Variants in PTPRN2 observed in about 807,000 individuals in gnomAD.
The protein encoded by PTPRN2 is protein tyrosine phosphatase receptor type N2.
PTPRN2 carries 74 observed loss-of-function variants against 118.8 expected under a neutral mutation model. The ratio of observed to expected loss-of-function variants is 0.62; its 90% CI spans 0.52 to 0.76. The LOEUF (loss-of-function observed/expected upper bound fraction) is 0.76, where lower values mean the gene tolerates loss of function less well. Ranked by LOEUF, PTPRN2 falls within the 30% of genes least tolerant of loss-of-function variation. The pLI is 0.00. For missense variants in PTPRN2, 1,481 were observed against 1,394.4 expected, an observed-to-expected ratio of 1.06 and a Z score of -0.99; for synonymous variants, 641 against 608.0, an observed-to-expected ratio of 1.05 and a Z score of -0.80.
In PTPRN2 at chr7:158,018,822, G is replaced by A. The variant is rs148021819; in HGVS notation, c.1723+62476C>T. ...CTAAAAATACAAAAATTAGCTGGGCGTCGTGGTAGGTGCCTGTAATCCCAG... is the reference window on the plus strand; with the variant it reads ...CTAAAAATACAAAAATTAGCTGGGCATCGTGGTAGGTGCCTGTAATCCCAG... On this transcript the variant is annotated intron_variant, in intron 11 of 22. Transcript: ENST00000389418. Among the ~76,000 whole-genome samples, 234 of 151,806 alleles carry A rather than the reference G, an allele frequency of 1.5e-3. 3 individuals are homozygous for A. Among genetic ancestry groups the A allele is most frequent in the African/African-American group, 5.0e-3 (209 of 41,398 alleles).
chr7:157,851,371 A>T lies in PTPRN2; in HGVS notation c.1788+47302T>A, dbSNP rs116769465. ...TCATACAAATATGGCTCATGAATAAAAATGCGCTTTCTTTAATACAAATAT... is the reference window on the plus strand; with the variant it reads ...TCATACAAATATGGCTCATGAATAATAATGCGCTTTCTTTAATACAAATAT... On this transcript the variant is annotated intron_variant, in intron 12 of 22. Transcript: ENST00000389418. Among the ~76,000 whole-genome samples, 631 of 151,550 alleles carry T rather than the reference A, an allele frequency of 4.2e-3. 3 individuals are homozygous for T. Among genetic ancestry groups the T allele is most frequent in the African/African-American group, 0.015 (608 of 40,790 alleles).
chr7:157,752,959 T>C (rs1195136094), intron 12 of PTPRN2, among the ~76,000 whole-genome samples: 1 of 152,202 alleles, frequency 6.6e-6, no homozygotes, highest in Non-Finnish European at 1.5e-5. Context: ...AGACAGTCAG[T>C]GACCAGATGG....
At chr7:158,333,448 C>A (rs1454619655) in intron 2 of PTPRN2, among the ~76,000 whole-genome samples, 1 of 145,306 alleles carries the variant, frequency 6.9e-6, no homozygotes, top group African/African-American at 2.8e-5. Flanking sequence ...CACCTGCAGA[C>A]GTCTCTCACA....
At chr7:157,846,329 T>A (rs769738737) in intron 12 of PTPRN2, among the ~76,000 whole-genome samples, 2 of 152,248 alleles carry the variant, frequency 1.3e-5, no homozygotes, top group Admixed American at 6.5e-5. Context: ...TCTATGAACC[T>A]AAGAACAGTC....
At chr7:157,753,680 G>T (rs1415275084) in intron 12 of PTPRN2, among the ~76,000 whole-genome samples, 1 of 151,458 alleles carries the variant, frequency 6.6e-6, no homozygotes, top group Admixed American at 6.6e-5. Context: ...CATGTGCCAG[G>T]CCCCACACCT....
intron 5 of PTPRN2, among the ~76,000 whole-genome samples, chr7:158,176,462 T>G (rs1824216919): frequency 6.6e-6 from 1 of 152,202 alleles, no homozygotes; most frequent in Non-Finnish European, 1.5e-5. Flanking sequence ...CCCTTCTCCC[T>G]AGGCTGTGTA....
intron 17 of PTPRN2, among the ~76,000 whole-genome samples, chr7:157,586,767 C>T (rs62476775): frequency 6.6e-6 from 1 of 152,204 alleles, no homozygotes; most frequent in Non-Finnish European, 1.5e-5. Context: ...CGCTGTTGGA[C>T]ACTCGGTCTG....
intron 14 of PTPRN2, among the ~76,000 whole-genome samples, chr7:157,638,268 C>G (rs1280328379): frequency 6.6e-6 from 1 of 152,058 alleles, no homozygotes; most frequent in Non-Finnish European, 1.5e-5. Context: ...CAGCTCTTCA[C>G]CAACCAAACG....
At chr7:157,701,173 A>G (rs1798048838) in intron 12 of PTPRN2, among the ~76,000 whole-genome samples, 1 of 152,192 alleles carries the variant, frequency 6.6e-6, no homozygotes, top group Non-Finnish European at 1.5e-5. Flanking sequence ...ACTGAGAGGT[A>G]AATGAAGTAT....
At position 157,609,767 on chromosome 7, in the gene PTPRN2, C is replaced by G. The variant is rs146200114; in HGVS notation, c.2345-5692G>C. ...AGGCTGAGATGACGGTGGACACGCA[C>G]CCAACTGCGCAGGTCAGCCAAGCTG... is the stretch of plus-strand genomic sequence containing the variant. On this transcript the variant is annotated intron_variant, in intron 15 of 22. Coordinates refer to ENST00000389418, the MANE Select transcript of PTPRN2 (RefSeq NM_002847.5). This position sits in a 1 kb window ranked among gnomAD's most constrained non-coding sequence, Gnocchi z 4.9. Among the ~76,000 whole-genome samples the G allele has an allele frequency of 6.6e-6, 1 of 152,330 alleles. No individual in the cohort carries two copies. The highest frequency in any genetic ancestry group is 1.9e-4 in the East Asian group (1 of 5,182).
intron 15 of PTPRN2, among the ~76,000 whole-genome samples, chr7:157,613,413 C>T (rs955661936): frequency 6.6e-6 from 1 of 152,224 alleles, no homozygotes; most frequent in Non-Finnish European, 1.5e-5. Flanking sequence ...GCGGGCCCCA[C>T]GTCGCGCAGC....
chr7:157,555,239 C>A (rs1798821961), intron 21 of PTPRN2, among the ~76,000 whole-genome samples: 1 of 152,154 alleles, frequency 6.6e-6, no homozygotes, highest in Non-Finnish European at 1.5e-5. Flanking sequence ...AAAGTTTATA[C>A]ATTGGTTAAA....
At chr7:157,562,225 C>G (rs1447772454) in intron 21 of PTPRN2, among the ~76,000 whole-genome samples, 1 of 152,204 alleles carries the variant, frequency 6.6e-6, no homozygotes, top group African/African-American at 2.4e-5. Context: ...CAAGGTCTTT[C>G]TGTCTAAAGC....
At chr7:158,215,041 C>T (rs1021605092) in intron 3 of PTPRN2, among the ~76,000 whole-genome samples, 5 of 152,136 alleles carry the variant, frequency 3.3e-5, no homozygotes, top group African/African-American at 1.2e-4. Flanking sequence ...GAAACCAACA[C>T]TGAGATGACC....
chr7:157,860,395 C>T, intron 12 of PTPRN2, among the ~76,000 whole-genome samples: 1 of 152,222 alleles, frequency 6.6e-6, no homozygotes, highest in Non-Finnish European at 1.5e-5. Flanking sequence ...AGCTGGGCCA[C>T]TTTTCACACA....
intron 22 of PTPRN2, among the ~76,000 whole-genome samples, chr7:157,544,525 AGGGGCCTCCCGTCCAGTGAGGAGGGGGC>A (rs1798182497): frequency 6.6e-6 from 1 of 152,174 alleles, no homozygotes; most frequent in East Asian, 1.9e-4. Context: ...TGGACATGCG[AGGGGCCTCCCGTCCAGTGAGGAGGGGGC>A]GGGGCCTCCC....
At chr7:157,912,938 A>G (rs753918876) in intron 11 of PTPRN2, among the ~76,000 whole-genome samples, 11 of 152,156 alleles carry the variant, frequency 7.2e-5, no homozygotes, top group Non-Finnish European at 1.2e-4. Flanking sequence ...GGCTCTTTGT[A>G]CTTATACATT....
chr7:157,578,182 A>G (rs1261259415), intron 17 of PTPRN2, 42 bp from the exon 18 acceptor site: 3 of 1,575,256 alleles, frequency 1.9e-6, no homozygotes, highest in South Asian at 2.3e-5. Flanking sequence ...TGACTGTCTC[A>G]TCACCGCGTG....
intron 4 of PTPRN2, among the ~76,000 whole-genome samples, chr7:158,194,176 G>A (rs138999846): frequency 2.7e-3 from 411 of 152,312 alleles, no homozygotes; most frequent in African/African-American, 9.2e-3. Context: ...GGGTGTGAGT[G>A]CGTGTGTGCG....
Sources: allele counts gnomAD v4.1 joint callset (sites outside exome capture counted in the v4.1 genomes callset), GRCh38; gene constraint gnomAD v4.1.1; non-coding constraint Gnocchi (gnomAD v3.1); transcripts MANE v1.5; gene names NCBI Gene and HGNC (gene_info 2026-07-23, HGNC 2026-07-21).